Variants in KCNQ5 observed in about 807,000 individuals in gnomAD.
KCNQ5 encodes potassium voltage-gated channel subfamily Q member 5, also known as potassium voltage-gated channel subfamily KQT member 5.
KCNQ5 carries 30 observed loss-of-function variants against 98.2 expected under a neutral mutation model. That is an observed-to-expected ratio of 0.31 (90% CI 0.23 to 0.41). KCNQ5 has a LOEUF of 0.41. KCNQ5 is among the 10% of genes least tolerant of loss of function. KCNQ5 has a pLI of 1.00. For missense variants in KCNQ5, 835 were observed against 1,182.5 expected (o/e 0.71, Z 4.31); for synonymous variants, 458 against 449.4 (o/e 1.02, Z -0.24).
chr6:72,653,711 A>T (rs770477100), intron 1 of KCNQ5, among the ~76,000 whole-genome samples: 2 of 152,074 alleles, frequency 1.3e-5, no homozygotes, highest in Non-Finnish European at 2.9e-5. Context: ...ATACTCATTT[A>T]TCAAAGTAAA....
intron 1 of KCNQ5, among the ~76,000 whole-genome samples, chr6:72,722,272 T>C (rs1172455415): frequency 2.0e-5 from 3 of 152,228 alleles, no homozygotes; most frequent in Non-Finnish European, 2.9e-5. Context: ...CTCTGTCCAC[T>C]ACTTCTATGA....
chr6:73,047,932 A>G (rs1161638553), intron 3 of KCNQ5, among the ~76,000 whole-genome samples: 2 of 152,198 alleles, frequency 1.3e-5, no homozygotes, highest in African/African-American at 4.8e-5. Context: ...TGTATAAAAC[A>G]AAGAAGCAAA....
intron 2 of KCNQ5, among the ~76,000 whole-genome samples, chr6:73,006,054 G>T (rs550964009): frequency 1.3e-5 from 2 of 152,026 alleles, no homozygotes; most frequent in South Asian, 2.1e-4. Context: ...AATTAGGAAA[G>T]CATTAATATT....
chr6:72,934,927 C>T (rs867890278), intron 1 of KCNQ5, among the ~76,000 whole-genome samples: 17 of 152,182 alleles, frequency 1.1e-4, no homozygotes, highest in African/African-American at 3.6e-4. Context: ...TACCCATCAC[C>T]TCACTCAGGT....
intron 1 of KCNQ5, among the ~76,000 whole-genome samples, chr6:72,729,090 G>C (rs1477585543): frequency 3.3e-5 from 5 of 152,084 alleles, no homozygotes; most frequent in Non-Finnish European, 5.9e-5. Flanking sequence ...AGTGCATTAA[G>C]AGTGCCCTCA....
intron 3 of KCNQ5, among the ~76,000 whole-genome samples, chr6:73,066,576 C>G (rs1036030903): frequency 6.6e-6 from 1 of 152,202 alleles, no homozygotes; most frequent in Non-Finnish European, 1.5e-5. Flanking sequence ...AACACTCCTT[C>G]TGATGCTTCC....
At chr6:72,870,992 G>C (rs942753449) in intron 1 of KCNQ5, among the ~76,000 whole-genome samples, 1 of 152,062 alleles carries the variant, frequency 6.6e-6, no homozygotes, top group African/African-American at 2.4e-5. Context: ...GAAAAGAATA[G>C]GTTTTTTAGC....
intron 1 of KCNQ5, among the ~76,000 whole-genome samples, chr6:72,756,706 G>T (rs963817129): frequency 6.6e-6 from 1 of 151,922 alleles, no homozygotes; most frequent in African/African-American, 2.4e-5. Flanking sequence ...TATTAACCTT[G>T]TGATCAGCCT....
At chr6:72,659,106 C>T (rs80188309) in intron 1 of KCNQ5, among the ~76,000 whole-genome samples, 1,920 of 152,266 alleles carry the variant, frequency 0.013, 50 homozygotes, top group African/African-American at 0.044. Context: ...TGCCTTCTTG[C>T]AACTTTCCAT....
At chr6:72,726,339 T>C (rs1408479255) in intron 1 of KCNQ5, among the ~76,000 whole-genome samples, 1 of 151,742 alleles carries the variant, frequency 6.6e-6, no homozygotes, top group East Asian at 1.9e-4. Flanking sequence ...GCCTCCTGAG[T>C]AGCTGGGACT....
chr6:72,726,105 T>TAAA (rs57711571), intron 1 of KCNQ5, among the ~76,000 whole-genome samples: 1 of 148,148 alleles, frequency 6.8e-6, no homozygotes, highest in African/African-American at 2.5e-5. Context: ...TGATGTTTGG[T>TAAA]AAAAAAAAAA....
intron 1 of KCNQ5, among the ~76,000 whole-genome samples, chr6:72,787,834 A>G (rs193038279): frequency 3.9e-5 from 6 of 152,314 alleles, no homozygotes; most frequent in African/African-American, 9.6e-5. Context: ...TGCATTCACC[A>G]GTTAATCCTG....
chr6:73,044,113 T>A (rs1437651264), intron 3 of KCNQ5, among the ~76,000 whole-genome samples: 1 of 152,120 alleles, frequency 6.6e-6, no homozygotes, highest in Non-Finnish European at 1.5e-5. Context: ...AAGACCTGTC[T>A]CTACAAAAAT....
At chr6:72,878,135 T>C (rs1349171917) in intron 1 of KCNQ5, among the ~76,000 whole-genome samples, 2 of 152,164 alleles carry the variant, frequency 1.3e-5, no homozygotes, top group African/African-American at 4.8e-5. Context: ...CGGGGCATGG[T>C]GGCATATGCC....
chr6:72,682,381 A>C (rs1384360604), intron 1 of KCNQ5, among the ~76,000 whole-genome samples: 1 of 152,100 alleles, frequency 6.6e-6, no homozygotes. Flanking sequence ...TAATATTCTA[A>C]ATTTCTTCCA....
intron 1 of KCNQ5, among the ~76,000 whole-genome samples, chr6:72,749,725 T>TA (rs869147247): frequency 1.8e-5 from 1 of 54,214 alleles, no homozygotes; most frequent in African/African-American, 4.4e-5. Context: ...TGACAACATT[T>TA]AAAAAAATAT....
Position 73,120,574 on chromosome 6 carries a change from C to T in KCNQ5, c.1217C>T (p.Thr406Ile), listed in dbSNP as rs745844154. The change falls in exon 8 of 14, where the codon ACC becomes ATC. Residue 406 changes from threonine to isoleucine, a missense_variant. Physicochemically the swap from Thr to Ile is moderately conservative, Grantham distance 89 (BLOSUM62 -1). Transcript: ENST00000370398. ...AAGGCCTTGCACACCTGCAGCCCTA[C>T]CAAGTAGGTATCAGTGTGACAGCTG... ...HLKALHTCSP[T>I]KKEQGEASSS... The T allele has an allele frequency of 5.6e-6, 9 of 1,605,596 alleles. No individual in the cohort carries two copies. Among genetic ancestry groups the T allele is most frequent in the Non-Finnish European group, 7.7e-6 (9 of 1,173,622 alleles).
intron 1 of KCNQ5, among the ~76,000 whole-genome samples, chr6:72,886,995 T>C (rs1028608381): frequency 6.6e-6 from 1 of 152,194 alleles, no homozygotes; most frequent in Non-Finnish European, 1.5e-5. Context: ...ATGATGAGTA[T>C]TATTATGTAA....
At chr6:72,810,744 A>T (rs2150103963) in intron 1 of KCNQ5, among the ~76,000 whole-genome samples, 1 of 152,278 alleles carries the variant, frequency 6.6e-6, no homozygotes, top group South Asian at 2.1e-4. Flanking sequence ...CTCTTTGGGC[A>T]TGCTTAGTCA....
Sources: gnomAD v4.1 joint callset for allele counts (sites outside exome capture counted in the v4.1 genomes callset) on GRCh38, gnomAD v4.1.1 for gene constraint, MANE v1.5 for transcripts, NCBI Gene and HGNC (gene_info 2026-07-23, HGNC 2026-07-21) for gene names.